The following STAU1 variants were observed in gnomAD, a reference collection of about 807,000 sequenced individuals.
STAU1 encodes staufen double-stranded RNA binding protein 1, also known as double-stranded RNA-binding protein Staufen homolog 1.
In STAU1, 13 loss-of-function variants were observed where a neutral mutation model predicts 62.9. The ratio of observed to expected loss-of-function variants is 0.21; its 90% confidence interval spans 0.13 to 0.33. STAU1 has a LOEUF of 0.33. STAU1 is among the 10% of genes least tolerant of loss of function. STAU1 has a pLI of 1.00. For missense variants in STAU1, 571 were observed against 712.1 expected (o/e 0.80, Z 2.25); for synonymous variants, 269 against 265.1 (o/e 1.01, Z -0.14).
intron 3 of STAU1, among the ~76,000 whole-genome samples, chr20:49,154,738 T>A (rs1393250071): frequency 1.3e-5 from 2 of 151,828 alleles, no homozygotes; most frequent in African/African-American, 2.4e-5. Flanking sequence ...TGGTGGCGGG[T>A]GCCTGCAGTC....
At chr20:49,206,273 C>A in the STAU1 span, among the ~76,000 whole-genome samples, 1 of 151,450 alleles carries the variant, frequency 6.6e-6, no homozygotes, top group Non-Finnish European at 1.5e-5. Flanking sequence ...GGATTACAGG[C>A]GTGAGCCACC....
At chr20:49,200,987 C>T in the STAU1 span, among the ~76,000 whole-genome samples, 7 of 131,370 alleles carry the variant, frequency 5.3e-5, no homozygotes, top group South Asian at 1.3e-3. Context: ...TGCAGTGAGC[C>T]GTGATCATGC....
Position 49,187,234 on chromosome 20 carries a change from A to G in STAU1, c.-160+882T>C, listed in dbSNP as rs561329032. 4.7e-4 allele frequency among the ~76,000 whole-genome samples: 72 copies of G among 152,292 alleles called. 1 individual carries two copies. The South Asian group carries it at 0.015, about 31-fold the overall frequency. On this transcript the variant is annotated intron_variant, in intron 1 of 13. Transcript: ENST00000371856. Reference sequence around the variant, plus strand: ...ATGATGGCGGGGCGGGGAGAAATGGACAGGTTGCTCATCCTGCGGGAGATG... The same window carrying G: ...ATGATGGCGGGGCGGGGAGAAATGGGCAGGTTGCTCATCCTGCGGGAGATG...
At chr20:49,161,403 CA>C (rs1484445139) in intron 3 of STAU1, among the ~76,000 whole-genome samples, 51 of 152,282 alleles carry the variant, frequency 3.3e-4, no homozygotes, top group Non-Finnish European at 5.6e-4. Context: ...GAAGCAACTT[CA>C]AAAATCTATA....
chr20:49,211,918 C>G, the STAU1 span, among the ~76,000 whole-genome samples: 11 of 152,198 alleles, frequency 7.2e-5, no homozygotes, highest in Admixed American at 3.3e-4. Flanking sequence ...TTTTCCACAC[C>G]AGCTAACCAT....
At chr20:49,211,368 C>CT in the STAU1 span, among the ~76,000 whole-genome samples, 23,079 of 138,708 alleles carry the variant, frequency 0.17, 2,274 homozygotes, top group East Asian at 0.36. Context: ...TATAGTAATT[C>CT]TTTTTTTTTT....
chr20:49,153,231 CAG>C (rs1322934885), intron 4 of STAU1, among the ~76,000 whole-genome samples: 1 of 127,988 alleles, frequency 7.8e-6, no homozygotes, highest in African/African-American at 3.0e-5. Context: ...GCCTGGGCAA[CAG>C]AGCGAGACTC....
intron 6 of STAU1, among the ~76,000 whole-genome samples, chr20:49,125,223 A>AAAAAAAAAAAAAAAAAAAAAAAAAC: frequency 7.7e-6 from 1 of 129,624 alleles, no homozygotes; most frequent in African/African-American, 3.0e-5. Context: ...AAAAAAAAAA[A>AAAAAAAAAAAAAAAAAAAAAAAAAC]ACGAAGGATA....
the STAU1 span, among the ~76,000 whole-genome samples, chr20:49,200,470 G>A: frequency 6.6e-6 from 1 of 151,982 alleles, no homozygotes; most frequent in Non-Finnish European, 1.5e-5. Context: ...GCGTGGTGGC[G>A]GGCGCCTGTA....
At chr20:49,197,895 A>G in the STAU1 span, among the ~76,000 whole-genome samples, 12 of 151,918 alleles carry the variant, frequency 7.9e-5, no homozygotes, top group Non-Finnish European at 1.6e-4. Flanking sequence ...CTTATTAGAG[A>G]CAAGGGGCTC....
chr20:49,117,765 CCAGA>C lies in STAU1; in HGVS notation c.1509+8_1509+11del, dbSNP rs1401939377. ...TGAGGCACAGCCATCACAGCTCAGG[CCAGA>C]CAGTTACCTGGAATCCCTGGACTCT... On this transcript the variant is annotated splice_region_variant and intron_variant, in intron 11 of 13. Coordinates refer to ENST00000371856, the MANE Select transcript of STAU1 (RefSeq NM_017453.4). This position sits in a 1 kb window ranked among gnomAD's most constrained non-coding sequence, Gnocchi z 4.6. The C allele has an allele frequency of 3.1e-6, 5 of 1,597,346 alleles. No individual in the cohort carries two copies. In the Admixed American group the frequency reaches 5.0e-5, roughly 16 times the overall value.
upstream of STAU1, among the ~76,000 whole-genome samples, chr20:49,190,085 TTTTC>T (rs2093828687): frequency 6.6e-6 from 1 of 152,136 alleles, no homozygotes; most frequent in East Asian, 1.9e-4. Flanking sequence ...AAAAGTGATC[TTTTC>T]TTTCTAACTT....
chr20:49,180,337 C>CCA (rs1555873876), intron 1 of STAU1, among the ~76,000 whole-genome samples: 3 of 150,784 alleles, frequency 2.0e-5, no homozygotes, highest in Non-Finnish European at 4.4e-5. Flanking sequence ...TTTTTTCCCC[C>CCA]CCTGGATACA....
intron 4 of STAU1, among the ~76,000 whole-genome samples, 178 bp downstream of exon 4, chr20:49,153,755 A>AG (rs2093307010): frequency 6.6e-6 from 1 of 150,400 alleles, no homozygotes; most frequent in Non-Finnish European, 1.5e-5. Flanking sequence ...AAGAAAGAAA[A>AG]AAAAGAAAAG....
intron 2 of STAU1, among the ~76,000 whole-genome samples, chr20:49,167,752 CT>C (rs1303961113): frequency 3.3e-5 from 5 of 152,184 alleles, no homozygotes; most frequent in African/African-American, 7.2e-5. Flanking sequence ...CTCTCTTCCC[CT>C]CTCTTCATTT....
At chr20:49,214,953 A>AACAAC in the STAU1 span, among the ~76,000 whole-genome samples, 3 of 152,216 alleles carry the variant, frequency 2.0e-5, no homozygotes, top group African/African-American at 7.2e-5. Flanking sequence ...AACAAAACAA[A>AACAAC]ACAACAGTGG....
At chr20:49,210,513 G>C in the STAU1 span, 1 of 455,674 alleles carries the variant, frequency 2.2e-6, no homozygotes, top group South Asian at 1.5e-5. Flanking sequence ...GTAGTGGTGG[G>C]GGAAAATTCT....
At chr20:49,153,710 C>CAAAAAAAAAAAA (rs145558067) in intron 4 of STAU1, among the ~76,000 whole-genome samples, 13 of 67,594 alleles carry the variant, frequency 1.9e-4, no homozygotes, top group African/African-American at 6.2e-4. Flanking sequence ...GACTCTGTCT[C>CAAAAAAAAAAAA]AAAAAAAAAA....
intron 4 of STAU1, among the ~76,000 whole-genome samples, chr20:49,153,400 A>AT (rs1441526483): frequency 8.4e-6 from 1 of 119,490 alleles, no homozygotes; most frequent in Non-Finnish European, 1.8e-5. Context: ...GTCTCAATGA[A>AT]TTAAAAAAAA....
Sources: gnomAD v4.1 joint callset for allele counts (sites outside exome capture counted in the v4.1 genomes callset) on GRCh38, gnomAD v4.1.1 for gene constraint, Gnocchi (gnomAD v3.1) non-coding constraint, MANE v1.5 for transcripts, NCBI Gene and HGNC (gene_info 2026-07-23, HGNC 2026-07-21) for gene names.